The following BLTP2 variants were observed in gnomAD, a reference collection of about 807,000 sequenced individuals.
BLTP2 encodes bridge-like lipid transfer protein family member 2.
chr17:28,640,465 T>C, the BLTP2 span: 18 of 1,322,400 alleles, frequency 1.4e-5, no homozygotes, highest in Non-Finnish European at 1.8e-5. Flanking sequence ...TTTCTCCCCG[T>C]AGACAAGCTC....
the BLTP2 span, among the ~76,000 whole-genome samples, chr17:28,625,894 A>G: frequency 5.9e-5 from 9 of 152,174 alleles, no homozygotes; most frequent in Non-Finnish European, 1.2e-4. Flanking sequence ...CCTCCCGAGT[A>G]GCTGGGATTA....
At chr17:28,634,831 C>T in the BLTP2 span, 1 of 1,613,662 alleles carries the variant, frequency 6.2e-7, no homozygotes, top group African/African-American at 1.3e-5. Flanking sequence ...ATGCTGCTTC[C>T]GAAGGGCGGC....
At chr17:28,616,029 A>C in the BLTP2 span, 1 of 1,318,728 alleles carries the variant, frequency 7.6e-7, no homozygotes, top group Non-Finnish European at 1.1e-6. This position sits in a 1 kb window ranked among gnomAD's most constrained non-coding sequence, Gnocchi z 4.8. Context: ...GTCTCCCTGT[A>C]TAGAATCTCT....
chr17:28,619,570 TA>T, the BLTP2 span: 1 of 1,563,900 alleles, frequency 6.4e-7, no homozygotes, highest in Non-Finnish European at 8.8e-7. Context: ...ACACTAGACC[TA>T]AAGACAGTCA....
the BLTP2 span, chr17:28,623,850 T>G: frequency 6.2e-7 from 1 of 1,614,192 alleles, no homozygotes; most frequent in South Asian, 1.1e-5. Flanking sequence ...AAGTCCAGGA[T>G]GTCTTTTGCT....
the BLTP2 span, chr17:28,615,037 T>C: frequency 1.3e-6 from 2 of 1,596,096 alleles, no homozygotes; most frequent in Non-Finnish European, 1.7e-6. Flanking sequence ...AGTCAGATCC[T>C]GTACTGCAGC....
the BLTP2 span, among the ~76,000 whole-genome samples, chr17:28,632,471 C>T: frequency 1.1e-4 from 16 of 152,104 alleles, no homozygotes; most frequent in African/African-American, 3.6e-4. Flanking sequence ...TGAAATACCC[C>T]TAAGGTAATG....
the BLTP2 span, among the ~76,000 whole-genome samples, chr17:28,627,132 T>C: frequency 6.6e-6 from 1 of 152,240 alleles, no homozygotes; most frequent in East Asian, 1.9e-4. Context: ...TTCCCACACA[T>C]TTGGTCACAG....
chr17:28,639,831 A>G, the BLTP2 span: 1 of 1,576,714 alleles, frequency 6.3e-7, no homozygotes, highest in African/African-American at 1.3e-5. Context: ...AGGAGACCAT[A>G]TGGGGCATGA....
the BLTP2 span, among the ~76,000 whole-genome samples, chr17:28,622,582 G>A: frequency 6.6e-6 from 1 of 152,136 alleles, no homozygotes; most frequent in Non-Finnish European, 1.5e-5. Flanking sequence ...AAGTAATAAC[G>A]CACAATATTG....
At chr17:28,615,902 T>C in the BLTP2 span, 1 of 1,270,750 alleles carries the variant, frequency 7.9e-7, no homozygotes, top group African/African-American at 1.5e-5. Context: ...CCTACAATAG[T>C]AACCTACAGA....
the BLTP2 span, chr17:28,633,596 A>G: frequency 6.2e-7 from 1 of 1,614,070 alleles, no homozygotes; most frequent in Non-Finnish European, 8.5e-7. Flanking sequence ...TCCATGTGCC[A>G]GTCTCCATGG....
chr17:28,616,080 C>T, the BLTP2 span: 1 of 1,595,634 alleles, frequency 6.3e-7, no homozygotes, highest in Non-Finnish European at 8.6e-7. This position sits in a 1 kb window ranked among gnomAD's most constrained non-coding sequence, Gnocchi z 4.8. Context: ...CTACAAAGTG[C>T]TTGAGAGGTG....
At chr17:28,631,942 T>C in the BLTP2 span, 6 of 1,612,852 alleles carry the variant, frequency 3.7e-6, no homozygotes, top group Admixed American at 8.3e-5. Context: ...GAGCATAACA[T>C]TAACAAAGGA....
chr17:28,623,345 C>T, the BLTP2 span, among the ~76,000 whole-genome samples: 11 of 152,204 alleles, frequency 7.2e-5, no homozygotes, highest in Non-Finnish European at 1.2e-4. Context: ...CCTAGGCAGT[C>T]TTTCATTCAA....
the BLTP2 span, chr17:28,634,674 T>C: frequency 6.2e-6 from 10 of 1,614,096 alleles, no homozygotes; most frequent in South Asian, 9.9e-5. Context: ...CTACCAGTTC[T>C]AGCCCTGCTA....
At chr17:28,641,301 C>CCG in the BLTP2 span, among the ~76,000 whole-genome samples, 1 of 152,210 alleles carries the variant, frequency 6.6e-6, no homozygotes, top group Admixed American at 6.5e-5. Context: ...ATAAGTGGAT[C>CCG]CGCACAGCTC....
At chr17:28,616,823 C>T in the BLTP2 span, 5 of 1,607,196 alleles carry the variant, frequency 3.1e-6, no homozygotes, top group South Asian at 1.1e-5. The surrounding 1 kb of genome is among the most constrained non-coding windows in gnomAD (Gnocchi z 4.8). Context: ...CTCCTAATAT[C>T]GTGTAACACA....
chr17:28,625,678 C>T, the BLTP2 span, among the ~76,000 whole-genome samples: 1 of 152,144 alleles, frequency 6.6e-6, no homozygotes. Context: ...TCCTTCCAAC[C>T]AGTGGTCAGT....
Sources: allele counts gnomAD v4.1 joint callset (sites outside exome capture counted in the v4.1 genomes callset), GRCh38; gene constraint gnomAD v4.1.1; non-coding constraint Gnocchi (gnomAD v3.1); transcripts MANE v1.5; gene names NCBI Gene and HGNC (gene_info 2026-07-23, HGNC 2026-07-21).